The following RAP1GAP2 variants were observed in gnomAD, a reference collection of about 807,000 sequenced individuals.
RAP1GAP2 encodes the protein rap1 GTPase-activating protein 2.
A neutral mutation model predicts 95.0 loss-of-function variants in RAP1GAP2; 27 were observed. The observed-to-expected ratio is 0.28, with a 90% CI of 0.21 to 0.39. The LOEUF (loss-of-function observed/expected upper bound fraction) is 0.39. Ranked by LOEUF, RAP1GAP2 falls within the 10% of genes least tolerant of loss-of-function variation. The pLI is 1.00. For synonymous variants in RAP1GAP2, 373 were observed against 380.9 expected (o/e 0.98, Z 0.24); for missense variants, 771 against 970.0 (o/e 0.79, Z 2.72).
intron 13 of RAP1GAP2, among the ~76,000 whole-genome samples, chr17:2,996,235 CT>C (rs2045958310): frequency 6.6e-6 from 1 of 152,202 alleles, no homozygotes; most frequent in South Asian, 2.1e-4. Context: ...GACGAGACCC[CT>C]GTCCCCACTG....
intron 3 of RAP1GAP2, among the ~76,000 whole-genome samples, chr17:2,905,887 A>C (rs1005619530): frequency 1.3e-5 from 2 of 152,158 alleles, no homozygotes; most frequent in Non-Finnish European, 2.9e-5. Context: ...TGGGGAGACC[A>C]CAGTCCAGGC....
intron 3 of RAP1GAP2, among the ~76,000 whole-genome samples, chr17:2,927,248 G>A (rs1216266962): frequency 6.6e-6 from 1 of 151,720 alleles, no homozygotes; most frequent in Non-Finnish European, 1.5e-5. Context: ...CCGCCTCCCG[G>A]GTTCAGGCCG....
chr17:2,826,686 C>T (rs9674744), intron 2 of RAP1GAP2, among the ~76,000 whole-genome samples: 59,058 of 151,832 alleles, frequency 0.39, 12,894 homozygotes, highest in African/African-American at 0.58. Context: ...ATCCTGAGCC[C>T]AGGCATCTAG....
intron 2 of RAP1GAP2, among the ~76,000 whole-genome samples, chr17:2,842,529 CAAAAAA>C (rs34473053): frequency 3.8e-5 from 3 of 78,064 alleles, no homozygotes; most frequent in African/African-American, 1.4e-4. Flanking sequence ...GATTCCGTCT[CAAAAAA>C]AAAAAAAAAA....
intron 2 of RAP1GAP2, among the ~76,000 whole-genome samples, chr17:2,822,753 C>T (rs542520870): frequency 4.7e-4 from 70 of 148,550 alleles, no homozygotes; most frequent in African/African-American, 1.6e-3. Context: ...ATGTGCACAA[C>T]GTGCAGGTTT....
chr17:2,760,087 T>A (rs1053546023), intron 1 of RAP1GAP2, among the ~76,000 whole-genome samples: 2 of 151,716 alleles, frequency 1.3e-5, no homozygotes, highest in Non-Finnish European at 2.9e-5. Context: ...AAAAATGGTC[T>A]CTTGGACCAT....
At chr17:2,780,710 G>A (rs754217651) in intron 1 of RAP1GAP2, among the ~76,000 whole-genome samples, 9 of 152,212 alleles carry the variant, frequency 5.9e-5, no homozygotes, top group South Asian at 2.1e-4. Context: ...CCCAGCAGCC[G>A]CCGTCTTCAT....
At position 3,035,926 on chromosome 17, in the gene RAP1GAP2, T is replaced by G. The variant is rs1346604285; in HGVS notation, c.*2565T>G. On this transcript the variant is annotated 3_prime_UTR_variant, in exon 25 of 25. Coordinates refer to ENST00000254695, the MANE Select transcript of RAP1GAP2 (RefSeq NM_015085.5). This position sits in a 1 kb window ranked among gnomAD's most constrained non-coding sequence, Gnocchi z 4.3. Reference sequence around the variant, plus strand: ...GCCCTCGTGACTAGGCTCATCTAGATGGTGCTCACGCTGGTGTTTGAGGCA... The same window carrying G: ...GCCCTCGTGACTAGGCTCATCTAGAGGGTGCTCACGCTGGTGTTTGAGGCA... 1 of 152,240 alleles carries G rather than the reference T, an allele frequency of 6.6e-6. No individual in the cohort carries two copies. Among genetic ancestry groups the G allele is most frequent in the Non-Finnish European group, 1.5e-5 (1 of 68,062 alleles). 9.4% of individuals were successfully genotyped at this position (152,240 alleles called of 1,614,324 possible).
intron 2 of RAP1GAP2, among the ~76,000 whole-genome samples, chr17:2,861,730 C>G (rs546223358): frequency 1.6e-4 from 25 of 152,270 alleles, no homozygotes; most frequent in Admixed American, 1.1e-3. Context: ...AGCTCCGCCT[C>G]CCAGGTTCAT....
At chr17:2,981,061 C>A in intron 9 of RAP1GAP2, 134 bp from the exon 10 acceptor site, 1 of 709,356 alleles carries the variant, frequency 1.4e-6, no homozygotes, top group Non-Finnish European at 2.4e-6. Context: ...TAGTGAGCAG[C>A]AGTCAGAATC....
chr17:3,032,798 G>A (rs144567436), intron 24 of RAP1GAP2, among the ~76,000 whole-genome samples: 203 of 152,312 alleles, frequency 1.3e-3, no homozygotes, highest in African/African-American at 4.7e-3. Context: ...CTGCCCTCAG[G>A]CAGCTGTTCC....
At position 3,027,596 on chromosome 17, in the gene RAP1GAP2, G is replaced by A. The variant is rs192148304; in HGVS notation, c.2107+526G>A. 4.6e-5 allele frequency among the ~76,000 whole-genome samples: 7 copies of A among 151,350 alleles called. No homozygotes were observed. Among genetic ancestry groups the A allele is most frequent in the Admixed American group, 2.0e-4 (3 of 15,158 alleles). On this transcript the variant is annotated intron_variant, in intron 22 of 24. Transcript: ENST00000254695. This position sits in a 1 kb window ranked among gnomAD's most constrained non-coding sequence, Gnocchi z 5.2. ...CACAGAGCCAGGCGTCAGAGAGGCC[G>A]GAGCGTTGACAGGCTGGGTCAGCCC... is the stretch of plus-strand genomic sequence containing the variant.
intron 13 of RAP1GAP2, among the ~76,000 whole-genome samples, chr17:2,996,266 G>A (rs1447146920): frequency 1.3e-5 from 2 of 152,170 alleles, no homozygotes; most frequent in African/African-American, 2.4e-5. Context: ...CGTGCCCCCC[G>A]TTTGCTGCTC....
chr17:3,029,362 CA>C lies in RAP1GAP2; in HGVS notation c.2108-1559del, dbSNP rs1481866961. ...GGCTGCCTCTTACACACCTTTTCTC[CA>C]CACAGTATTTAACCCCGATGGGCTG... On this transcript the variant is annotated intron_variant, in intron 22 of 24. Transcript: ENST00000254695. The surrounding 1 kb of genome is among the most constrained non-coding windows in gnomAD (Gnocchi z 4.4). 2.0e-5 allele frequency among the ~76,000 whole-genome samples: 3 copies of C among 152,232 alleles called. No homozygotes were observed.
intron 2 of RAP1GAP2, among the ~76,000 whole-genome samples, chr17:2,873,392 C>T (rs1237076432): frequency 5.2e-5 from 7 of 135,800 alleles, no homozygotes; most frequent in Non-Finnish European, 1.5e-5. Flanking sequence ...GGAGGATCGC[C>T]TGAGCCCAGG....
chr17:2,916,575 C>T (rs7359618), intron 3 of RAP1GAP2, among the ~76,000 whole-genome samples: 14,078 of 152,198 alleles, frequency 0.092, 716 homozygotes, highest in African/African-American at 0.13. Flanking sequence ...GACTGCTCTG[C>T]GTGAATCATT....
intron 2 of RAP1GAP2, among the ~76,000 whole-genome samples, chr17:2,806,908 T>G (rs1304014647): frequency 2.0e-5 from 3 of 152,040 alleles, no homozygotes; most frequent in African/African-American, 7.2e-5. Flanking sequence ...GGTCTCAAAC[T>G]CCTAGCCTCA....
At chr17:2,757,506 C>T (rs1301274435) in intron 1 of RAP1GAP2, among the ~76,000 whole-genome samples, 1 of 152,090 alleles carries the variant, frequency 6.6e-6, no homozygotes, top group Non-Finnish European at 1.5e-5. Flanking sequence ...TTCCATCGCC[C>T]GACCACAGCG....
At chr17:2,832,874 G>A (rs1299874316) in intron 2 of RAP1GAP2, among the ~76,000 whole-genome samples, 1 of 151,800 alleles carries the variant, frequency 6.6e-6, no homozygotes, top group Admixed American at 6.6e-5. Flanking sequence ...TACTCGGTGG[G>A]GGGCTGAGGC....
Sources: allele counts gnomAD v4.1 joint callset (sites outside exome capture counted in the v4.1 genomes callset), GRCh38; gene constraint gnomAD v4.1.1; non-coding constraint Gnocchi (gnomAD v3.1); transcripts MANE v1.5; gene names NCBI Gene and HGNC (gene_info 2026-07-23, HGNC 2026-07-21).